The following MAPK6 variants were observed in gnomAD, a reference collection of about 807,000 sequenced individuals.
The protein encoded by MAPK6 is ERK-3.
In MAPK6, 19 loss-of-function variants were observed where a neutral mutation model predicts 59.3. That is an observed-to-expected ratio of 0.32 (90% CI 0.22 to 0.47). MAPK6 has a LOEUF of 0.47. Among genes scored for constraint, MAPK6 ranks in the 20% least tolerant of loss-of-function variants. The pLI, the probability that MAPK6 is intolerant of heterozygous loss-of-function variation, is 1.00. For missense variants in MAPK6, 724 were observed against 847.9 expected, an observed-to-expected ratio of 0.85 and a Z score of 1.81; for synonymous variants, 316 against 290.3, an observed-to-expected ratio of 1.09 and a Z score of -0.90.
chr15:52,016,065 C>T (rs1194294227), upstream of MAPK6, among the ~76,000 whole-genome samples: 3 of 88,414 alleles, frequency 3.4e-5, no homozygotes, highest in East Asian at 3.4e-4. Context: ...CGCGCGCGCG[C>T]GCGCGCACAC....
chr15:52,021,541 G>A lies in MAPK6; in HGVS notation c.-632+2165G>A, dbSNP rs1388386317. The stretch of plus-strand genomic sequence containing the variant: ...TATCATATACCCTACAGGTGGAATT[G>A]TGTAACATTTGCTGAGAGGAAAGGT... On this transcript the variant is annotated intron_variant, in intron 1 of 5. Coordinates refer to ENST00000261845, the MANE Select transcript of MAPK6 (RefSeq NM_002748.4). The A allele has an allele frequency of 2.0e-5, 3 of 152,092 alleles. No individual in the cohort carries two copies. The East Asian group carries it at 5.8e-4, about 29-fold the overall frequency. 9.4% of individuals were successfully genotyped at this position (152,092 alleles called of 1,614,324 possible).
chr15:52,040,194 C>T (rs1056065461), intron 1 of MAPK6, among the ~76,000 whole-genome samples: 10 of 152,234 alleles, frequency 6.6e-5, no homozygotes, highest in African/African-American at 2.4e-4. Context: ...GAATTTGCTA[C>T]AGCTACATTT....
intron 1 of MAPK6, 25 bp from the exon 2 acceptor site, chr15:52,045,803 ACT>A (rs1289255930): frequency 2.6e-5 from 4 of 152,512 alleles, no homozygotes; most frequent in African/African-American, 7.2e-5. Context: ...TGCAATGGTG[ACT>A]CTCTTCTTTT....
chr15:52,052,978 C>T (rs2031829514), intron 3 of MAPK6, among the ~76,000 whole-genome samples: 1 of 151,814 alleles, frequency 6.6e-6, no homozygotes. Context: ...GCAGCTGTAC[C>T]ATTTTACATT....
chr15:52,016,263 C>A (rs1258290784), upstream of MAPK6, among the ~76,000 whole-genome samples: 1 of 151,020 alleles, frequency 6.6e-6, no homozygotes, highest in Admixed American at 6.6e-5. Context: ...GTGGTGCACA[C>A]CTGTAATCCC....
intron 3 of MAPK6, chr15:52,004,548 A>C (rs1025397793): frequency 6.6e-6 from 1 of 152,200 alleles, no homozygotes; most frequent in East Asian, 1.9e-4. Context: ...CCTGAGATTG[A>C]ATAATTTATA....
chr15:51,992,305 A>ATATATT (rs572519819), intron 2 of MAPK6, among the ~76,000 whole-genome samples: 21 of 101,420 alleles, frequency 2.1e-4, no homozygotes, highest in African/African-American at 7.8e-4. Context: ...ATATATATAT[A>ATATATT]TTTTTTTTTT....
At chr15:51,976,832 T>A (rs1284841436) in intron 1 of MAPK6, among the ~76,000 whole-genome samples, 1 of 151,444 alleles carries the variant, frequency 6.6e-6, no homozygotes, top group African/African-American at 2.4e-5. Context: ...TAATCTCAGC[T>A]ACTCAGGAAG....
At chr15:51,986,804 T>C (rs987040271) in intron 2 of MAPK6, among the ~76,000 whole-genome samples, 2 of 152,176 alleles carry the variant, frequency 1.3e-5, no homozygotes, top group Non-Finnish European at 1.5e-5. Flanking sequence ...CCCAATTCCA[T>C]CAGCTGCTGC....
intron 1 of MAPK6, among the ~76,000 whole-genome samples, chr15:52,037,521 G>A (rs920259241): frequency 5.9e-5 from 9 of 152,148 alleles, no homozygotes; most frequent in Admixed American, 1.3e-4. Context: ...GATTATATAG[G>A]ATGCTATTTC....
intron 2 of MAPK6, among the ~76,000 whole-genome samples, chr15:52,047,944 AC>A (rs2031646057): frequency 6.6e-6 from 1 of 152,162 alleles, no homozygotes; most frequent in South Asian, 2.1e-4. Flanking sequence ...TTGCCTTCAT[AC>A]AAGAATTTAA....
chr15:52,046,647 C>G lies in MAPK6; in HGVS notation c.187C>G (p.Leu63Val). The change falls in exon 2 of 6, where the codon CTA becomes GTA. Residue 63 changes from leucine (L) to valine (V), a missense_variant. This residue lies in a region of MAPK6 where 87 missense variants were observed against 93.0 expected (regional missense o/e 0.93). Transcript: ENST00000261845. ...LTDPQSVKHA[L>V]REIKIIRRLD... ...TGATCCCCAGAGTGTCAAACATGCT[C>G]TACGTGAAATCAAAATTATTAGAAG... 2.5e-6 allele frequency: 4 copies of G among 1,614,070 alleles called. No individual in the cohort carries two copies. Among genetic ancestry groups the G allele is most frequent in the East Asian group, 2.2e-5 (1 of 44,884 alleles).
At position 52,034,854 on chromosome 15, in the gene MAPK6, C is replaced by T. The variant is rs186261145; in HGVS notation, c.-631-10976C>T. 2.3e-4 allele frequency among the ~76,000 whole-genome samples: 35 copies of T among 151,258 alleles called. No individual in the cohort carries two copies. The East Asian group carries it at 6.1e-3, about 26-fold the overall frequency. Reference sequence around the variant, plus strand: ...CTGGGAGTACAGGTGTGCACCACCACGCCCGGCTAATGTTTGTGTTTTTAG... The same window carrying T: ...CTGGGAGTACAGGTGTGCACCACCATGCCCGGCTAATGTTTGTGTTTTTAG... On this transcript the variant is annotated intron_variant, in intron 1 of 5. Coordinates refer to ENST00000261845, the MANE Select transcript of MAPK6 (RefSeq NM_002748.4).
At chr15:52,022,617 T>C (rs1313010817) in intron 1 of MAPK6, among the ~76,000 whole-genome samples, 5 of 152,122 alleles carry the variant, frequency 3.3e-5, no homozygotes, top group Non-Finnish European at 7.4e-5. Flanking sequence ...GGAAGAGTAT[T>C]GCATGATTTA....
At position 52,064,187 on chromosome 15, in the gene MAPK6, A is replaced by T. The variant is rs769859635; in HGVS notation, c.1353A>T (p.Ser451=). The T allele has an allele frequency of 1.6e-5, 25 of 1,612,806 alleles. No individual in the cohort carries two copies. The highest frequency in any genetic ancestry group is 2.0e-5 in the Non-Finnish European group (24 of 1,179,744). ...SHTCNYKTRS[S]SYLDNLVWRE... The stretch of plus-strand genomic sequence containing the variant: ...CTTGTAACTACAAAACGAGGTCATC[A>T]TCATATTTAGATAACTTAGTTTGGA... The change falls in exon 6 of 6, where the codon TCA becomes TCT. Residue 451 remains serine, a synonymous_variant. Transcript: ENST00000261845.
chr15:51,985,382 C>T (rs1052677696), intron 2 of MAPK6, among the ~76,000 whole-genome samples: 2 of 151,898 alleles, frequency 1.3e-5, no homozygotes, highest in Non-Finnish European at 2.9e-5. Flanking sequence ...TGGTCAGGCA[C>T]GGTGGCTCAC....
chr15:52,057,966 C>T (rs183999502), intron 3 of MAPK6, among the ~76,000 whole-genome samples: 14 of 152,162 alleles, frequency 9.2e-5, no homozygotes, highest in Admixed American at 1.3e-4. Context: ...AAGTGTCCTG[C>T]GCATAGTAGG....
intron 2 of MAPK6, among the ~76,000 whole-genome samples, chr15:51,991,148 T>TAC (rs933912695): frequency 0.06 from 8,436 of 140,588 alleles, 513 homozygotes; most frequent in African/African-American, 0.17. Context: ...TATATATATA[T>TAC]ACACACACAC....
At chr15:52,021,471 T>A (rs2030526357) in intron 1 of MAPK6, 1 of 151,908 alleles carries the variant, frequency 6.6e-6, no homozygotes, top group Non-Finnish European at 1.5e-5. Flanking sequence ...GGAACAGCAG[T>A]TTCTCTAAAA....
Sources: allele counts gnomAD v4.1 joint callset (sites outside exome capture counted in the v4.1 genomes callset), GRCh38; gene constraint gnomAD v4.1.1; regional missense constraint gnomAD v4.1.1; transcripts MANE v1.5; gene names NCBI Gene and HGNC (gene_info 2026-07-23, HGNC 2026-07-21).